PCDHA1: variants seen among roughly 807,000 people sequenced by gnomAD.
PCDHA1 encodes the protein protocadherin alpha-1.
Under a neutral mutation model 61.3 loss-of-function variants are expected in PCDHA1, and 42 were observed. The ratio of observed to expected loss-of-function variants is 0.69; its 90% CI spans 0.54 to 0.89. The LOEUF (loss-of-function observed/expected upper bound fraction) is 0.89, where lower values mean the gene tolerates loss of function less well. Ranked by LOEUF, PCDHA1 falls within the 40% of genes least tolerant of loss-of-function variation. PCDHA1 has a pLI of 0.00. For synonymous variants in PCDHA1, 610 were observed against 553.8 expected, an observed-to-expected ratio of 1.10 and a Z score of -1.43; for missense variants, 1,256 against 1,235.3, an observed-to-expected ratio of 1.02 and a Z score of -0.25.
At chr5:140,808,543 T>G (rs143191768) in intron 1 of PCDHA1, 34,370 of 1,614,050 alleles carry the variant, frequency 0.021, 441 homozygotes, top group Non-Finnish European at 0.026. Context: ...ACGACAACGC[T>G]CCGGCGTTCG....
At chr5:140,920,859 C>T in intron 1 of PCDHA1, among the ~76,000 whole-genome samples, 1 of 142,452 alleles carries the variant, frequency 7.0e-6, no homozygotes, top group African/African-American at 2.6e-5. Flanking sequence ...AAAAAAAAAA[C>T]AAACAAACTG....
At chr5:140,936,987 T>C (rs996790487) in intron 1 of PCDHA1, among the ~76,000 whole-genome samples, 1 of 152,170 alleles carries the variant, frequency 6.6e-6, no homozygotes, top group Non-Finnish European at 1.5e-5. Context: ...CTTGTTAACA[T>C]TGACAATATT....
intron 1 of PCDHA1, chr5:140,835,994 G>A: frequency 1.9e-6 from 3 of 1,613,352 alleles, no homozygotes; most frequent in South Asian, 1.1e-5. Context: ...AGGTGAGCGC[G>A]CGCGATGCGG....
At chr5:140,848,948 G>A (rs782183548) in intron 1 of PCDHA1, 1 of 1,607,010 alleles carries the variant, frequency 6.2e-7, no homozygotes, top group African/African-American at 1.4e-5. Flanking sequence ...TTGACTCTCG[G>A]TTTCCACTAG....
intron 1 of PCDHA1, chr5:140,809,039 G>A (rs782455641): frequency 1.2e-6 from 2 of 1,613,862 alleles, no homozygotes; most frequent in Non-Finnish European, 1.7e-6. Flanking sequence ...GACTGGTGGC[G>A]CGCGCATCCC....
chr5:140,869,205 C>A (rs782278064), intron 1 of PCDHA1: 1 of 1,613,994 alleles, frequency 6.2e-7, no homozygotes, highest in Non-Finnish European at 8.5e-7. Flanking sequence ...TCCACTACTC[C>A]GTCTCGGAGG....
In PCDHA1 at chr5:140,968,153, A is replaced by G; in HGVS notation, c.2395-10796A>G. 2 of 1,614,142 alleles carry G rather than the reference A, an allele frequency of 1.2e-6. No individual in the cohort carries two copies. The highest frequency in any genetic ancestry group is 8.5e-7 in the Non-Finnish European group (1 of 1,180,046). On this transcript the variant is annotated intron_variant, in intron 1 of 3. Coordinates refer to ENST00000504120, the MANE Select transcript of PCDHA1 (RefSeq NM_018900.4). ...ACTGAAGGTTGAGATCTCTGACATC[A>G]ATGACAATCCACCAAGCTTCCTGGA...
At position 140,869,660 on chromosome 5, in the gene PCDHA1, G is replaced by T. The variant is rs782182212; in HGVS notation, c.2394+80976G>T. On this transcript the variant is annotated intron_variant, in intron 1 of 3. Coordinates refer to ENST00000504120, the MANE Select transcript of PCDHA1 (RefSeq NM_018900.4). ...TTTTCTTTAGATTCACCAACAAATG[G>T]TAAGCAGATTAAAAGACTGTCACTT... is the stretch of plus-strand genomic sequence containing the variant. 7 of 1,613,392 alleles carry T rather than the reference G, an allele frequency of 4.3e-6. No individual in the cohort carries two copies. The Admixed American group carries it at 1.2e-4, about 27-fold the overall frequency.
chr5:140,873,286 A>C (rs1337353218), intron 1 of PCDHA1, among the ~76,000 whole-genome samples: 3 of 152,246 alleles, frequency 2.0e-5, no homozygotes, highest in African/African-American at 7.2e-5. Flanking sequence ...ACCACTTATG[A>C]AACTTTATAA....
chr5:140,852,903 G>A, intron 1 of PCDHA1: 1 of 833,182 alleles, frequency 1.2e-6, no homozygotes, highest in South Asian at 5.4e-5. Flanking sequence ...TTTTGAGTCA[G>A]AGTCTCGCTC....
intron 1 of PCDHA1, chr5:140,884,466 C>G (rs1212644572): frequency 2.5e-6 from 4 of 1,613,646 alleles, no homozygotes; most frequent in Non-Finnish European, 3.4e-6. Flanking sequence ...GGCGCGTGCG[C>G]GCCGGGCAAG....
chr5:140,824,127 C>A (rs2150132380), intron 1 of PCDHA1: 3 of 1,613,568 alleles, frequency 1.9e-6, no homozygotes, highest in Non-Finnish European at 2.5e-6. Context: ...CTACAGACAA[C>A]GTGAGTTTTC....
At chr5:140,848,426 G>A in intron 1 of PCDHA1, 1 of 1,449,988 alleles carries the variant, frequency 6.9e-7, no homozygotes, top group Non-Finnish European at 9.4e-7. Context: ...GAATGGGACT[G>A]ACGAAATCAG....
intron 1 of PCDHA1, chr5:140,870,710 CGCGCGATGCGG>C (rs1554164626): frequency 1.2e-6 from 2 of 1,612,974 alleles, no homozygotes; most frequent in African/African-American, 2.7e-5. Context: ...CAGGTGAGCG[CGCGCGATGCGG>C]GCGTGCCGCC....
chr5:140,944,929 C>T (rs1387660974), intron 1 of PCDHA1, among the ~76,000 whole-genome samples: 1 of 152,052 alleles, frequency 6.6e-6, no homozygotes, highest in Non-Finnish European at 1.5e-5. Flanking sequence ...TGGTTTATGC[C>T]TTCTTTAGAT....
At chr5:140,971,370 G>C (rs2096473492) in intron 1 of PCDHA1, among the ~76,000 whole-genome samples, 3 of 152,194 alleles carry the variant, frequency 2.0e-5, no homozygotes, top group African/African-American at 7.2e-5. Flanking sequence ...CCAGGAGAGT[G>C]CATGACTTTA....
intron 1 of PCDHA1, chr5:140,803,232 T>G: frequency 1.9e-6 from 3 of 1,613,820 alleles, no homozygotes; most frequent in Non-Finnish European, 2.5e-6. Flanking sequence ...ACCCAAGGCC[T>G]CGTCCCAGGC....
At position 140,853,506 on chromosome 5, in the gene PCDHA1, A is replaced by G. The variant is rs1198826408; in HGVS notation, c.2394+64822A>G. On this transcript the variant is annotated intron_variant, in intron 1 of 3. Transcript: ENST00000504120. ...TCAATTCAAGTTAGAATCATGAAAC[A>G]ATAATGAAGCTCCTCCTATGTCTCT... The G allele has an allele frequency of 4.1e-6, 4 of 977,436 alleles. 1 individual carries two copies. The African/African-American group carries it at 7.1e-5, about 17-fold the overall frequency. The allele number at this position is 977,436 out of a possible 1,614,324, so 60.5% of individuals were successfully genotyped here. A position where few individuals can be genotyped will look rare whatever the true frequency, so the allele number is the denominator to read the frequency against.
At chr5:140,929,148 G>A in intron 1 of PCDHA1, 1 of 1,614,190 alleles carries the variant, frequency 6.2e-7, no homozygotes, top group Middle Eastern at 1.6e-4. Flanking sequence ...GACTTTCTCA[G>A]ACTTATCTCT....
Sources: gnomAD v4.1 joint callset for allele counts (sites outside exome capture counted in the v4.1 genomes callset) on GRCh38, gnomAD v4.1.1 for gene constraint, MANE v1.5 for transcripts, NCBI Gene and HGNC (gene_info 2026-07-23, HGNC 2026-07-21) for gene names.